P3H2: variants seen among roughly 807,000 people sequenced by gnomAD.
The protein encoded by P3H2 is prolyl 3-hydroxylase 2.
Under a neutral mutation model 87.0 loss-of-function variants are expected in P3H2, and 80 were observed. The observed-to-expected ratio is 0.92, with a 90% CI of 0.77 to 1.11. The LOEUF (loss-of-function observed/expected upper bound fraction) is 1.11, where lower values mean the gene tolerates loss of function less well. Ranked by LOEUF, P3H2 falls within the 50% of genes least tolerant of loss-of-function variation. P3H2 has a pLI of 0.00. For missense variants in P3H2, 1,001 were observed against 923.9 expected, an observed-to-expected ratio of 1.08 and a Z score of -1.08; for synonymous variants, 367 against 359.3, an observed-to-expected ratio of 1.02 and a Z score of -0.24.
At chr3:189,969,334 A>T in intron 13 of P3H2, 5 of 866,796 alleles carry the variant, frequency 5.8e-6, no homozygotes, top group South Asian at 4.0e-5. Flanking sequence ...TGCTCAAGAG[A>T]TAAAACGAGG....
At position 190,012,835 on chromosome 3, in the gene P3H2, C is replaced by T. The variant is rs183649076; in HGVS notation, c.481-17393G>A. Among the ~76,000 whole-genome samples the T allele has an allele frequency of 2.3e-3, 348 of 152,224 alleles. 2 individuals carry two copies. Among genetic ancestry groups the T allele is most frequent in the African/African-American group, 7.8e-3 (324 of 41,536 alleles). The stretch of plus-strand genomic sequence containing the variant: ...TCTGAAGACACTGTTTACCAGTATA[C>T]AGAAGATTAAGAGATTTTGTAAGTC... On this transcript the variant is annotated intron_variant, in intron 1 of 14. Transcript: ENST00000319332.
intron 1 of P3H2, among the ~76,000 whole-genome samples, chr3:190,087,218 C>T (rs1023904642): frequency 6.6e-6 from 1 of 152,124 alleles, no homozygotes; most frequent in African/African-American, 2.4e-5. Context: ...GCTGTTTATA[C>T]ATCTGTATCA....
intron 2 of P3H2, among the ~76,000 whole-genome samples, chr3:189,994,881 G>A (rs1247145560): frequency 1.3e-5 from 2 of 151,992 alleles, no homozygotes; most frequent in Non-Finnish European, 2.9e-5. Flanking sequence ...TGGACTGGGA[G>A]CTGGAAAATC....
Position 190,120,419 on chromosome 3 carries a change from C to T in P3H2, c.313G>A (p.Ala105Thr), listed in dbSNP as rs200308609. The part of the protein sequence containing the change: ...PPPPPGEGPG[A>T]ELPLFRSLLG... ...AAGGAGCGGAAAAGGGGCAGCTCAGCGCCGGGGCCCTCGCCGGGGGGCGGG... is the reference window on the plus strand; with the variant it reads ...AAGGAGCGGAAAAGGGGCAGCTCAGTGCCGGGGCCCTCGCCGGGGGGCGGG... The change falls in exon 1 of 15, where the codon GCT becomes ACT. Residue 105 changes from alanine (A) to threonine (T), a missense_variant. Physicochemically the swap from Ala to Thr is moderately conservative, Grantham distance 58. Coordinates refer to ENST00000319332, the MANE Select transcript of P3H2 (RefSeq NM_018192.4). The T allele has an allele frequency of 2.3e-3, 3,371 of 1,477,910 alleles. 7 individuals carry two copies. The highest frequency in any genetic ancestry group is 2.7e-3 in the Non-Finnish European group (3,073 of 1,122,124). 91.5% of individuals were successfully genotyped at this position (1,477,910 alleles called of 1,614,324 possible).
chr3:190,002,404 TTC>T (rs1447780378), intron 1 of P3H2, among the ~76,000 whole-genome samples: 3 of 151,098 alleles, frequency 2.0e-5, no homozygotes, highest in Non-Finnish European at 4.4e-5. Flanking sequence ...CTTTTTTCTT[TTC>T]TTTTTTTTTT....
rs759272364 is a variant in P3H2 at position 189,974,700 on chromosome 3, C to T, written c.1325-15G>A. ...TAGAGGACCACCTACAGGAACAGAG[C>T]ACATTGTCTTCCCTGTTACCTCTGT... On this transcript the variant is annotated splice_polypyrimidine_tract_variant and intron_variant, in intron 8 of 14. Coordinates refer to ENST00000319332, the MANE Select transcript of P3H2 (RefSeq NM_018192.4). 3.7e-6 allele frequency: 6 copies of T among 1,614,038 alleles called. No individual in the cohort carries two copies. Among genetic ancestry groups the T allele is most frequent in the Non-Finnish European group, 5.1e-6 (6 of 1,180,020 alleles).
chr3:190,077,046 G>GA (rs1174735991), intron 1 of P3H2, among the ~76,000 whole-genome samples: 3 of 151,882 alleles, frequency 2.0e-5, no homozygotes, highest in African/African-American at 4.8e-5. Flanking sequence ...TAACTGAAAA[G>GA]AAAAAAAATT....
chr3:189,972,143 A>G lies in P3H2; in HGVS notation c.1700-136T>C, dbSNP rs1189892617. On this transcript the variant is annotated intron_variant, in intron 11 of 14. Coordinates refer to ENST00000319332, the MANE Select transcript of P3H2 (RefSeq NM_018192.4). Reference sequence around the variant, plus strand: ...GGCAGACAACAGGAAAGAACAGATAAAAGAACAGTGGACAAGTAGTTGAGA... The same window carrying G: ...GGCAGACAACAGGAAAGAACAGATAGAAGAACAGTGGACAAGTAGTTGAGA... The G allele has an allele frequency of 4.2e-6, 3 of 708,012 alleles. No homozygotes were observed. The African/African-American group carries it at 5.2e-5, about 12-fold the overall frequency. 43.9% of individuals were successfully genotyped at this position (708,012 alleles called of 1,614,324 possible).
chr3:190,057,850 T>G (rs1262090097), intron 1 of P3H2, among the ~76,000 whole-genome samples: 1 of 152,154 alleles, frequency 6.6e-6, no homozygotes, highest in Admixed American at 6.5e-5. Context: ...TTTCAGAGTG[T>G]AAGGAAGATG....
At position 189,958,924 on chromosome 3, in the gene P3H2, G is replaced by A. The variant is rs944524777; in HGVS notation, c.2035-920C>T. Among the ~76,000 whole-genome samples the A allele has an allele frequency of 4.0e-5, 6 of 151,868 alleles. No homozygotes were observed. In the South Asian group the frequency reaches 1.2e-3, roughly 32 times the overall value. On this transcript the variant is annotated intron_variant, in intron 14 of 14. Coordinates refer to ENST00000319332, the MANE Select transcript of P3H2 (RefSeq NM_018192.4). ...GCTTGGTCTCAAACTCCCGACCTCA[G>A]GTGATCCACCCGCCTCGCCCTCCCA...
At chr3:190,109,751 T>A (rs66753233) in intron 1 of P3H2, among the ~76,000 whole-genome samples, 19,461 of 151,992 alleles carry the variant, frequency 0.13, 1,380 homozygotes, top group Middle Eastern at 0.22. Context: ...CAAACTTTTT[T>A]AATAAATATT....
intron 1 of P3H2, among the ~76,000 whole-genome samples, chr3:190,105,964 G>A (rs1711816780): frequency 6.6e-6 from 1 of 152,150 alleles, no homozygotes; most frequent in Non-Finnish European, 1.5e-5. Context: ...ACAAAAAGCA[G>A]TTTCATTTTG....
At chr3:189,996,044 G>A (rs1482561282) in intron 1 of P3H2, among the ~76,000 whole-genome samples, 2 of 152,164 alleles carry the variant, frequency 1.3e-5, no homozygotes, top group Non-Finnish European at 2.9e-5. Context: ...ATGAAAAACA[G>A]TATGGAGTTT....
chr3:190,062,234 G>C (rs80244063), intron 1 of P3H2, among the ~76,000 whole-genome samples: 4,434 of 151,994 alleles, frequency 0.029, 217 homozygotes, highest in African/African-American at 0.1. Context: ...TTCCTTATTT[G>C]CTTCAACCCT....
intron 3 of P3H2, among the ~76,000 whole-genome samples, chr3:189,991,407 A>T (rs1723872941): frequency 6.6e-6 from 1 of 152,248 alleles, no homozygotes; most frequent in South Asian, 2.1e-4. Flanking sequence ...CTTAACAATA[A>T]TCCTAAACCT....
At chr3:190,111,533 C>A (rs1484578816) in intron 1 of P3H2, among the ~76,000 whole-genome samples, 1 of 151,892 alleles carries the variant, frequency 6.6e-6, no homozygotes, top group Non-Finnish European at 1.5e-5. Context: ...AGAAAGAATG[C>A]CTTTTTTAAA....
chr3:190,092,044 T>A (rs1727424371), intron 1 of P3H2, among the ~76,000 whole-genome samples: 1 of 151,880 alleles, frequency 6.6e-6, no homozygotes, highest in East Asian at 1.9e-4. Flanking sequence ...ATCAGCCTGG[T>A]CAACATGGTG....
At position 190,079,809 on chromosome 3, in the gene P3H2, T is replaced by A. The variant is rs139664631; in HGVS notation, c.480+40443A>T. On this transcript the variant is annotated intron_variant, in intron 1 of 14. Coordinates refer to ENST00000319332, the MANE Select transcript of P3H2 (RefSeq NM_018192.4). Reference sequence around the variant, plus strand: ...CAAAGCAGATAGAACTGACTTTAAATACTGGCTATCATTTACTAACTGTGA... The same window carrying A: ...CAAAGCAGATAGAACTGACTTTAAAAACTGGCTATCATTTACTAACTGTGA... 6.2e-3 allele frequency among the ~76,000 whole-genome samples: 939 copies of A among 152,356 alleles called. 10 individuals are homozygous for A. The highest frequency in any genetic ancestry group is 0.021 in the African/African-American group (892 of 41,578).
intron 1 of P3H2, among the ~76,000 whole-genome samples, chr3:190,075,196 A>C (rs892337251): frequency 6.6e-6 from 1 of 152,238 alleles, no homozygotes; most frequent in Non-Finnish European, 1.5e-5. Flanking sequence ...GTAGAAAAGA[A>C]TAAGTGCAGC....
Sources: allele counts gnomAD v4.1 joint callset (sites outside exome capture counted in the v4.1 genomes callset), GRCh38; gene constraint gnomAD v4.1.1; transcripts MANE v1.5; gene names NCBI Gene and HGNC (gene_info 2026-07-23, HGNC 2026-07-21).